NCK1: variants seen among roughly 807,000 people sequenced by gnomAD.
NCK1 encodes the protein NCK adaptor protein 1, also known as SH2/SH3 adapter protein NCK1.
In NCK1, 19 loss-of-function variants were observed where a neutral mutation model predicts 36.6. The observed-to-expected ratio is 0.52, with a 90% confidence interval of 0.36 to 0.76. The LOEUF (loss-of-function observed/expected upper bound fraction) is 0.76, where lower values mean the gene tolerates loss of function less well. Among genes scored for constraint, NCK1 ranks in the 30% least tolerant of loss-of-function variants. The probability of loss-of-function intolerance (pLI) is 0.00; values close to 1 mark genes in which losing one functional copy is unlikely to be tolerated. For synonymous variants in NCK1, 165 were observed against 156.0 expected (o/e 1.06, Z -0.43); for missense variants, 358 against 445.6 (o/e 0.80, Z 1.77).
intron 3 of NCK1, among the ~76,000 whole-genome samples, chr3:136,947,954 TGTGGGTGTCTGCTGTTGGAGCC>T (rs1407405094): frequency 6.6e-6 from 1 of 152,128 alleles, no homozygotes; most frequent in Non-Finnish European, 1.5e-5. Flanking sequence ...AAGGATTTGC[TGTGGGTGTCTGCTGTTGGAGCC>T]GTGGGTGTTA....
At chr3:136,925,397 T>C (rs1940211736) in intron 1 of NCK1, among the ~76,000 whole-genome samples, 1 of 152,236 alleles carries the variant, frequency 6.6e-6, no homozygotes, top group African/African-American at 2.4e-5. Flanking sequence ...TTAGAACTTA[T>C]TGCGAGATCC....
At chr3:136,942,989 C>G (rs1940715783) in intron 2 of NCK1, among the ~76,000 whole-genome samples, 1 of 152,230 alleles carries the variant, frequency 6.6e-6, no homozygotes, top group Admixed American at 6.5e-5. Flanking sequence ...ATTGCTTCCT[C>G]TGGCATTAGG....
intron 1 of NCK1, among the ~76,000 whole-genome samples, chr3:136,877,535 A>T (rs1046990745): frequency 6.6e-6 from 1 of 152,212 alleles, no homozygotes; most frequent in African/African-American, 2.4e-5. Context: ...GGCTAAAAAT[A>T]ATTGAAAGGA....
intron 1 of NCK1, among the ~76,000 whole-genome samples, chr3:136,905,540 AC>A (rs1939661544): frequency 6.6e-6 from 1 of 151,934 alleles, no homozygotes; most frequent in African/African-American, 2.4e-5. Flanking sequence ...GACAAGGGTC[AC>A]AGTGTCTGGC....
intron 1 of NCK1, among the ~76,000 whole-genome samples, chr3:136,863,917 C>T (rs564204552): frequency 3.5e-4 from 53 of 151,592 alleles, no homozygotes; most frequent in Non-Finnish European, 6.3e-4. Context: ...CTAGCAGACA[C>T]GGTGAAACCC....
intron 1 of NCK1, among the ~76,000 whole-genome samples, chr3:136,917,864 T>C (rs1400503532): frequency 1.3e-5 from 2 of 152,214 alleles, no homozygotes; most frequent in African/African-American, 4.8e-5. Context: ...TCACCAAATA[T>C]TAGTGCTTCC....
chr3:136,877,824 G>T (rs946032177), intron 1 of NCK1, among the ~76,000 whole-genome samples: 2 of 152,130 alleles, frequency 1.3e-5, no homozygotes, highest in Non-Finnish European at 2.9e-5. Flanking sequence ...TTTTGGCAGG[G>T]AGGAGGTGAG....
intron 1 of NCK1, among the ~76,000 whole-genome samples, chr3:136,890,398 C>T (rs974186782): frequency 1.3e-5 from 2 of 152,182 alleles, no homozygotes; most frequent in Admixed American, 1.3e-4. Context: ...CACCTCCCCC[C>T]AAGCTGAGGG....
chr3:136,922,808 G>A (rs1400265), intron 1 of NCK1, among the ~76,000 whole-genome samples: 152,308 of 152,352 alleles, frequency 1, 76,132 homozygotes, highest in Middle Eastern at 1. Context: ...CTGTAACTCA[G>A]CATTCTTCTA....
chr3:136,896,292 C>A (rs1273802396), intron 1 of NCK1, among the ~76,000 whole-genome samples: 1 of 152,152 alleles, frequency 6.6e-6, no homozygotes, highest in African/African-American at 2.4e-5. Context: ...TTACCTACCA[C>A]CCATGTACCC....
intron 1 of NCK1, among the ~76,000 whole-genome samples, chr3:136,877,878 A>C (rs745389538): frequency 5.3e-5 from 8 of 152,136 alleles, no homozygotes; most frequent in Admixed American, 2.0e-4. Flanking sequence ...TCTGTTTAAG[A>C]AGCAGCTCAG....
intron 1 of NCK1, among the ~76,000 whole-genome samples, chr3:136,915,053 A>T (rs934630925): frequency 1.3e-5 from 2 of 152,200 alleles, no homozygotes; most frequent in African/African-American, 2.4e-5. Flanking sequence ...TTCTCACCAG[A>T]TGAAGATGCC....
chr3:136,867,232 C>T (rs966817720), intron 1 of NCK1, among the ~76,000 whole-genome samples: 13 of 129,140 alleles, frequency 1.0e-4, no homozygotes, highest in African/African-American at 3.7e-4. Flanking sequence ...TCCGTCCATC[C>T]ATCCGTCTGT....
chr3:136,875,366 T>C (rs909064624), intron 1 of NCK1, among the ~76,000 whole-genome samples: 5 of 152,138 alleles, frequency 3.3e-5, no homozygotes, highest in Non-Finnish European at 7.3e-5. Flanking sequence ...GAATACCCTT[T>C]ATTTCCTTCT....
At chr3:136,937,765 A>G (rs1462463201) in intron 2 of NCK1, among the ~76,000 whole-genome samples, 1 of 152,162 alleles carries the variant, frequency 6.6e-6, no homozygotes. Flanking sequence ...TAGAAATACA[A>G]CTGATTTTGT....
At chr3:136,903,288 C>T (rs1370665419) in intron 1 of NCK1, among the ~76,000 whole-genome samples, 1 of 152,080 alleles carries the variant, frequency 6.6e-6, no homozygotes, top group East Asian at 1.9e-4. Flanking sequence ...CTGTTGGTTT[C>T]TGTTTGCATG....
intron 1 of NCK1, chr3:136,899,992 T>A: frequency 1.5e-6 from 1 of 687,478 alleles, no homozygotes; most frequent in East Asian, 2.6e-5. Flanking sequence ...AAAGGTACAG[T>A]TGCAGAAACA....
intron 1 of NCK1, among the ~76,000 whole-genome samples, chr3:136,903,140 G>A (rs1246634086): frequency 6.6e-6 from 1 of 152,124 alleles, no homozygotes; most frequent in East Asian, 1.9e-4. Flanking sequence ...AGTGTTGGGT[G>A]CCTTATATGT....
intron 1 of NCK1, among the ~76,000 whole-genome samples, chr3:136,895,055 A>G (rs185125657): frequency 8.4e-4 from 128 of 152,114 alleles, no homozygotes; most frequent in Middle Eastern, 3.4e-3. Flanking sequence ...TTGTATTTTT[A>G]GTAAAGACAG....
Sources: gnomAD v4.1 joint callset for allele counts (sites outside exome capture counted in the v4.1 genomes callset) on GRCh38, gnomAD v4.1.1 for gene constraint, MANE v1.5 for transcripts, NCBI Gene and HGNC (gene_info 2026-07-23, HGNC 2026-07-21) for gene names.